The following RARB variants were observed in gnomAD, a reference collection of about 807,000 sequenced individuals.
The protein encoded by RARB is HBV-activated protein.
A neutral mutation model predicts 51.9 loss-of-function variants in RARB; 17 were observed. The ratio of observed to expected loss-of-function variants is 0.33; its 90% CI spans 0.22 to 0.49. The LOEUF is 0.49. RARB is among the 20% of genes least tolerant of loss of function. The pLI is 0.99. For synonymous variants in RARB, 215 were observed against 195.4 expected (o/e 1.10, Z -0.84); for missense variants, 369 against 550.8 (o/e 0.67, Z 3.30).
chr3:24,893,801 A>G (rs569389233), intron 2 of RARB, among the ~76,000 whole-genome samples: 1 of 152,268 alleles, frequency 6.6e-6, no homozygotes, highest in South Asian at 2.1e-4. Context: ...CTGGGATTAC[A>G]GGCGTGAGCC....
chr3:25,553,960 C>G (rs537051119), intron 3 of RARB, among the ~76,000 whole-genome samples: 2 of 152,156 alleles, frequency 1.3e-5, no homozygotes, highest in South Asian at 4.1e-4. Context: ...CCCACTCCCC[C>G]TCCCCAACTA....
chr3:25,442,914 C>T (rs935910574), intron 1 of RARB, among the ~76,000 whole-genome samples: 2 of 152,118 alleles, frequency 1.3e-5, no homozygotes, highest in Non-Finnish European at 1.5e-5. Flanking sequence ...CAGAGTATCT[C>T]CCAACATTTT....
Position 25,596,363 on chromosome 3 carries a change from A to T in RARB, c.1151-57A>T, listed in dbSNP as rs1261672068. On this transcript the variant is annotated intron_variant, in intron 7 of 7. Transcript: ENST00000330688. Reference sequence around the variant, plus strand: ...AATATATGAAAATTGGTCCCTGGTTATCTGTCATAGCTTAACTCCTTATCT... The same window carrying T: ...AATATATGAAAATTGGTCCCTGGTTTTCTGTCATAGCTTAACTCCTTATCT... The T allele has an allele frequency of 2.2e-6, 3 of 1,355,452 alleles. No homozygotes were observed. In the East Asian group the frequency reaches 7.0e-5, roughly 31 times the overall value. 84.0% of individuals were successfully genotyped at this position (1,355,452 alleles called of 1,614,324 possible).
Position 25,041,551 on chromosome 3 carries a change from A to G in RARB, c.-379-18574A>G, listed in dbSNP as rs534420157. 2.0e-5 allele frequency among the ~76,000 whole-genome samples: 3 copies of G among 151,852 alleles called. No individual in the cohort carries two copies. In the South Asian group the frequency reaches 6.2e-4, roughly 32 times the overall value. On this transcript the variant is annotated intron_variant, in intron 2 of 11. Coordinates refer to the RARB transcript ENST00000383772. ...AGGACATTTGGGAAAAAAAAAAAAA[A>G]GTCTTGCCATGTCCTTCTACAATAC...
At chr3:24,967,183 G>A (rs1334864122) in intron 2 of RARB, among the ~76,000 whole-genome samples, 3 of 152,030 alleles carry the variant, frequency 2.0e-5, no homozygotes, top group East Asian at 1.9e-4. Context: ...GCTGCCTTGT[G>A]GCTGCCACTT....
At chr3:25,075,153 C>T (rs1469665363) in intron 3 of RARB, among the ~76,000 whole-genome samples, 1 of 152,130 alleles carries the variant, frequency 6.6e-6, no homozygotes, top group African/African-American at 2.4e-5. Context: ...TGGGGGTCTT[C>T]CAGTAATTTA....
At chr3:24,907,771 C>T (rs1031685681) in intron 2 of RARB, among the ~76,000 whole-genome samples, 14 of 151,730 alleles carry the variant, frequency 9.2e-5, no homozygotes, top group African/African-American at 3.2e-4. Flanking sequence ...TAAACCCTAA[C>T]TAAAGCTAAA....
At chr3:25,351,834 C>A (rs554080170) in intron 5 of RARB, among the ~76,000 whole-genome samples, 1 of 152,140 alleles carries the variant, frequency 6.6e-6, no homozygotes, top group Non-Finnish European at 1.5e-5. Context: ...ACAAGGAGGC[C>A]ATCTGGCTAA....
chr3:25,407,974 C>T lies in RARB; in HGVS notation c.179-53219C>T, dbSNP rs76494911. Among the ~76,000 whole-genome samples the T allele has an allele frequency of 5.5e-4, 83 of 152,242 alleles. No individual in the cohort carries two copies. The South Asian group carries it at 0.012, about 22-fold the overall frequency. ...GAACTCCAGTTGCCCACAGCGGTAA[C>T]GTCTCAATAACACATCTTTTATTGC... On this transcript the variant is annotated intron_variant, in intron 5 of 11. Coordinates refer to the RARB transcript ENST00000383772.
chr3:25,514,515 A>T (rs1698061655), intron 3 of RARB, among the ~76,000 whole-genome samples: 1 of 152,190 alleles, frequency 6.6e-6, no homozygotes, highest in South Asian at 2.1e-4. Context: ...GATTAAAAAA[A>T]AAAAATCTGC....
intron 2 of RARB, among the ~76,000 whole-genome samples, chr3:24,974,341 A>G (rs1016450927): frequency 1.3e-5 from 2 of 152,106 alleles, no homozygotes; most frequent in African/African-American, 4.8e-5. Flanking sequence ...TTTGCCTAGT[A>G]TTTTATTGAG....
At chr3:25,496,634 T>G (rs978102680) in intron 2 of RARB, among the ~76,000 whole-genome samples, 3 of 152,164 alleles carry the variant, frequency 2.0e-5, no homozygotes, top group African/African-American at 7.2e-5. Context: ...CAGACAGTGG[T>G]ATTGTTTTAG....
At chr3:25,251,205 CTTCA>C (rs1311880113) in intron 5 of RARB, among the ~76,000 whole-genome samples, 11 of 151,984 alleles carry the variant, frequency 7.2e-5, no homozygotes, top group African/African-American at 1.9e-4. Context: ...TGCATTACTA[CTTCA>C]TTCATTTTAT....
intron 2 of RARB, among the ~76,000 whole-genome samples, chr3:24,977,796 T>C (rs1696551217): frequency 6.6e-6 from 1 of 152,192 alleles, no homozygotes; most frequent in Non-Finnish European, 1.5e-5. Flanking sequence ...TTATGTTGAA[T>C]AGGAGTGGTG....
At chr3:25,112,496 G>A (rs1448351728) in intron 3 of RARB, among the ~76,000 whole-genome samples, 4 of 152,166 alleles carry the variant, frequency 2.6e-5, no homozygotes, top group East Asian at 1.9e-4. Context: ...GCTAATGGTG[G>A]CCAGGAGTGG....
chr3:25,526,717 A>T (rs893016632), intron 3 of RARB, among the ~76,000 whole-genome samples: 39 of 152,160 alleles, frequency 2.6e-4, no homozygotes, highest in Non-Finnish European at 4.0e-4. Flanking sequence ...GCTGGTTACT[A>T]GTTCTCTGGC....
At chr3:25,242,729 A>G (rs1454998382) in intron 5 of RARB, among the ~76,000 whole-genome samples, 1 of 152,136 alleles carries the variant, frequency 6.6e-6, no homozygotes, top group Non-Finnish European at 1.5e-5. Context: ...TATAGTTTGA[A>G]GTGAAGTAGC....
At chr3:25,002,136 G>A (rs1697174618) in intron 2 of RARB, among the ~76,000 whole-genome samples, 1 of 152,122 alleles carries the variant, frequency 6.6e-6, no homozygotes. Flanking sequence ...GGCTCCTGAA[G>A]TTAAAATGTA....
chr3:25,471,298 G>A (rs1427337361), intron 2 of RARB, among the ~76,000 whole-genome samples: 2 of 152,150 alleles, frequency 1.3e-5, no homozygotes, highest in Non-Finnish European at 2.9e-5. Flanking sequence ...CTAGTGCCTG[G>A]AATGATATAC....
Sources: gnomAD v4.1 joint callset for allele counts (sites outside exome capture counted in the v4.1 genomes callset) on GRCh38, gnomAD v4.1.1 for gene constraint, MANE v1.5 for transcripts, NCBI Gene and HGNC (gene_info 2026-07-23, HGNC 2026-07-21) for gene names.